Variants in PCDH9 observed in about 807,000 individuals in gnomAD.
PCDH9 encodes protocadherin 9.
PCDH9 carries 24 observed loss-of-function variants against 70.6 expected under a neutral mutation model. The observed-to-expected ratio is 0.34, with a 90% CI of 0.25 to 0.48. The LOEUF (loss-of-function observed/expected upper bound fraction) is 0.48, where lower values mean the gene tolerates loss of function less well. Ranked by LOEUF, PCDH9 falls within the 20% of genes least tolerant of loss-of-function variation. PCDH9 has a pLI of 0.99. For missense variants in PCDH9, 1,281 were observed against 1,503.6 expected (o/e 0.85, Z 2.45); for synonymous variants, 562 against 558.5 (o/e 1.01, Z -0.09).
intron 2 of PCDH9, among the ~76,000 whole-genome samples, chr13:66,945,816 T>G (rs928434404): frequency 6.6e-6 from 1 of 152,202 alleles, no homozygotes; most frequent in Non-Finnish European, 1.5e-5. Flanking sequence ...GATTCTTGTA[T>G]GTGTTTTACA....
rs369903848 is a variant in PCDH9 at position 66,461,121 on chromosome 13, A to G, written c.3341-156093T>C. ...GAGACTGCCTTCAAAATGCTAAAATAAATTAATCGGGAGTCAGTTCCTAAG... is the reference window on the plus strand; with the variant it reads ...GAGACTGCCTTCAAAATGCTAAAATGAATTAATCGGGAGTCAGTTCCTAAG... On this transcript the variant is annotated intron_variant, in intron 4 of 4. Transcript: ENST00000377865. Among the ~76,000 whole-genome samples, 19 of 151,962 alleles carry G rather than the reference A, an allele frequency of 1.3e-4. No homozygotes were observed. In the South Asian group the frequency reaches 3.5e-3, roughly 28 times the overall value.
At position 66,773,061 on chromosome 13, in the gene PCDH9, T is replaced by C. The variant is rs2139278081; in HGVS notation, c.3138+130443A>G. Among the ~76,000 whole-genome samples the C allele has an allele frequency of 1.3e-5, 2 of 152,340 alleles. 1 individual carries two copies. The highest frequency in any genetic ancestry group is 4.1e-4 in the South Asian group (2 of 4,826). On this transcript the variant is annotated intron_variant, in intron 3 of 4. Transcript: ENST00000377865. ...ATAACTGGTGGAATTTTACTTTTTATAATAATATGATGTATCCATTCAACT... is the reference window on the plus strand; with the variant it reads ...ATAACTGGTGGAATTTTACTTTTTACAATAATATGATGTATCCATTCAACT...
At chr13:66,348,085 C>A (rs1385662778) in intron 4 of PCDH9, among the ~76,000 whole-genome samples, 1 of 152,180 alleles carries the variant, frequency 6.6e-6, no homozygotes, top group Non-Finnish European at 1.5e-5. Flanking sequence ...TCTTCACATT[C>A]ATTCCTTTTT....
rs1040851734 is a variant in PCDH9 at position 66,678,015 on chromosome 13, A to G, written c.3139-46604T>C. ...GCTTTACTTAAAAATCAGAAAGAGTAATTTTCCTTTTTAAACTGTTATTCA... is the reference window on the plus strand; with the variant it reads ...GCTTTACTTAAAAATCAGAAAGAGTGATTTTCCTTTTTAAACTGTTATTCA... On this transcript the variant is annotated intron_variant, in intron 3 of 4. Transcript: ENST00000377865. Among the ~76,000 whole-genome samples the G allele has an allele frequency of 9.2e-5, 14 of 152,296 alleles. No homozygotes were observed. The East Asian group carries it at 2.7e-3, about 29-fold the overall frequency.
At chr13:66,447,302 T>A (rs567598173) in intron 4 of PCDH9, among the ~76,000 whole-genome samples, 49 of 152,198 alleles carry the variant, frequency 3.2e-4, no homozygotes, top group African/African-American at 1.1e-3. Flanking sequence ...TATTAAGAGT[T>A]AACATAACTA....
At chr13:66,630,885 A>AT (rs2077562035) in intron 4 of PCDH9, 1 of 197,324 alleles carries the variant, frequency 5.1e-6, no homozygotes, top group Admixed American at 5.6e-5. Flanking sequence ...ACTTAACTGT[A>AT]TTTTTGCAGT....
intron 4 of PCDH9, among the ~76,000 whole-genome samples, chr13:66,311,099 AAATTTCCTTTTT>A (rs760616867): frequency 3.3e-5 from 5 of 152,050 alleles, no homozygotes; most frequent in Non-Finnish European, 4.4e-5. Flanking sequence ...TGTTTTAAAG[AAATTTCCTTTTT>A]ATGTAAACTT....
intron 2 of PCDH9, among the ~76,000 whole-genome samples, chr13:67,113,628 A>G (rs1300017657): frequency 6.6e-6 from 1 of 151,892 alleles, no homozygotes; most frequent in Non-Finnish European, 1.5e-5. Flanking sequence ...GCTCACTGCA[A>G]GCTCCGCCTC....
At chr13:66,639,413 CCTCTTAGGA>C (rs1311944477) in intron 3 of PCDH9, among the ~76,000 whole-genome samples, 1 of 152,076 alleles carries the variant, frequency 6.6e-6, no homozygotes, top group African/African-American at 2.4e-5. Flanking sequence ...GCATCAAATA[CCTCTTAGGA>C]CTCCCTGTGG....
chr13:66,662,308 A>ACAACATGG (rs2078021600), intron 3 of PCDH9, among the ~76,000 whole-genome samples: 1 of 152,008 alleles, frequency 6.6e-6, no homozygotes, highest in Non-Finnish European at 1.5e-5. Flanking sequence ...CCCCGTCTCT[A>ACAACATGG]CTAAAAATAC....
At chr13:66,656,801 A>G (rs761051767) in intron 3 of PCDH9, among the ~76,000 whole-genome samples, 53 of 152,342 alleles carry the variant, frequency 3.5e-4, no homozygotes, top group Middle Eastern at 3.4e-3. Context: ...GATATGAGTT[A>G]GGTACAGTGT....
intron 4 of PCDH9, among the ~76,000 whole-genome samples, chr13:66,368,894 G>A (rs545744434): frequency 3.7e-4 from 56 of 152,104 alleles, no homozygotes; most frequent in African/African-American, 1.2e-3. Context: ...CTCATGAGAC[G>A]TATTCACTAT....
intron 4 of PCDH9, among the ~76,000 whole-genome samples, chr13:66,345,947 T>C (rs1026952780): frequency 3.3e-5 from 5 of 152,114 alleles, no homozygotes; most frequent in Non-Finnish European, 7.4e-5. Context: ...AATAAGCGTA[T>C]AGGGGAAAAG....
intron 4 of PCDH9, among the ~76,000 whole-genome samples, chr13:66,590,529 C>T (rs865984873): frequency 6.6e-6 from 1 of 151,814 alleles, no homozygotes; most frequent in East Asian, 1.9e-4. Flanking sequence ...AATCCACATG[C>T]TATTTAGCAG....
At chr13:66,451,981 T>C (rs1236511494) in intron 4 of PCDH9, among the ~76,000 whole-genome samples, 1 of 152,170 alleles carries the variant, frequency 6.6e-6, no homozygotes, top group African/African-American at 2.4e-5. Context: ...AAATCCGGGC[T>C]GAGGTCTAGA....
chr13:66,402,152 T>C (rs1957199651), intron 4 of PCDH9, among the ~76,000 whole-genome samples: 1 of 152,110 alleles, frequency 6.6e-6, no homozygotes, highest in Non-Finnish European at 1.5e-5. Context: ...TTGGAATTGA[T>C]ACGTGATATT....
At chr13:66,828,810 A>T (rs1327221471) in intron 3 of PCDH9, among the ~76,000 whole-genome samples, 1 of 148,608 alleles carries the variant, frequency 6.7e-6, no homozygotes, top group East Asian at 2.0e-4. Flanking sequence ...GCCATACATA[A>T]AATAATAATA....
intron 4 of PCDH9, among the ~76,000 whole-genome samples, chr13:66,407,331 C>T (rs1957296417): frequency 6.6e-6 from 1 of 152,204 alleles, no homozygotes; most frequent in Non-Finnish European, 1.5e-5. Context: ...TATGTTCACT[C>T]TTGCATGCTA....
At chr13:66,884,808 A>G (rs1486398429) in intron 3 of PCDH9, among the ~76,000 whole-genome samples, 1 of 152,202 alleles carries the variant, frequency 6.6e-6, no homozygotes, top group East Asian at 1.9e-4. Flanking sequence ...TTACTGCATG[A>G]AAGAGAAATT....
Sources: allele counts gnomAD v4.1 joint callset (sites outside exome capture counted in the v4.1 genomes callset), GRCh38; gene constraint gnomAD v4.1.1; transcripts MANE v1.5; gene names NCBI Gene and HGNC (gene_info 2026-07-23, HGNC 2026-07-21).